NBAS: variants seen among roughly 807,000 people sequenced by gnomAD.
NBAS encodes the protein NBAS subunit of NRZ tethering complex, also known as NAG/BC035112 fusion.
In NBAS, 219 loss-of-function variants were observed where a neutral mutation model predicts 302.5. The ratio of observed to expected loss-of-function variants is 0.72; its 90% CI spans 0.65 to 0.81. The LOEUF is 0.81. NBAS is among the 30% of genes least tolerant of loss of function. NBAS has a pLI of 0.00. For synonymous variants in NBAS, 1,118 were observed against 1,021.6 expected, an observed-to-expected ratio of 1.09 and a Z score of -1.80; for missense variants, 2,932 against 2,841.6, an observed-to-expected ratio of 1.03 and a Z score of -0.72.
chr2:14,858,116 G>T, the NBAS span, among the ~76,000 whole-genome samples: 20 of 152,080 alleles, frequency 1.3e-4, no homozygotes, highest in African/African-American at 4.8e-4. Flanking sequence ...ACAACAATGA[G>T]ATGTCATCTC....
In NBAS at chr2:15,328,236, A is replaced by G. The variant is rs1405846776; in HGVS notation, c.4424T>C (p.Phe1475Ser). ...AGGATTTGAGATGACAGATTCATAA[A>G]AAGGATGACACCCTTGTTTCTCTAG... ...EDLEKQGCHPFYESVISNPFV... is the reference protein window; with the variant it reads ...EDLEKQGCHPSYESVISNPFV... Residue 1475 changes from phenylalanine (F) to serine (S), a missense_variant, in exon 37 of 52, where the codon TTT becomes TCT. Coordinates refer to ENST00000281513, the MANE Select transcript of NBAS (RefSeq NM_015909.4). 1.2e-6 allele frequency: 2 copies of G among 1,613,838 alleles called. No homozygotes were observed. The highest frequency in any genetic ancestry group is 1.7e-6 in the Non-Finnish European group (2 of 1,179,922).
At chr2:15,298,514 A>G (rs1171481875) in intron 40 of NBAS, among the ~76,000 whole-genome samples, 1 of 152,200 alleles carries the variant, frequency 6.6e-6, no homozygotes, top group Non-Finnish European at 1.5e-5. Context: ...AGACTAAATG[A>G]AACTGGATGA....
At chr2:15,190,592 T>C (rs1280375263) in intron 48 of NBAS, among the ~76,000 whole-genome samples, 189 bp from the exon 49 acceptor site, 2 of 152,222 alleles carry the variant, frequency 1.3e-5, no homozygotes, top group Non-Finnish European at 2.9e-5. Context: ...TAAAATTGTT[T>C]AGAACTACAA....
At chr2:15,009,697 T>C in the NBAS span, among the ~76,000 whole-genome samples, 1 of 28,608 alleles carries the variant, frequency 3.5e-5, no homozygotes, top group South Asian at 1.4e-3. Flanking sequence ...GGAATGCATA[T>C]ATATATATAT....
At chr2:15,046,822 G>A in the NBAS span, among the ~76,000 whole-genome samples, 2 of 152,142 alleles carry the variant, frequency 1.3e-5, no homozygotes, top group Non-Finnish European at 2.9e-5. Flanking sequence ...CTTAGTAAAT[G>A]TTCCCCAGGT....
intron 51 of NBAS, among the ~76,000 whole-genome samples, chr2:15,170,319 G>A (rs1558405440): frequency 6.6e-6 from 1 of 152,170 alleles, no homozygotes; most frequent in African/African-American, 2.4e-5. Flanking sequence ...CTCTCATTCT[G>A]GCAGGGAGGG....
chr2:15,528,872 A>AG (rs1663066271), intron 9 of NBAS, among the ~76,000 whole-genome samples: 1 of 32,944 alleles, frequency 3.0e-5, no homozygotes, highest in Admixed American at 3.3e-4. Context: ...ATCTCAAAAA[A>AG]AAAAAAATAT....
chr2:15,217,935 C>G (rs1343449875), intron 48 of NBAS, among the ~76,000 whole-genome samples: 3 of 152,080 alleles, frequency 2.0e-5, no homozygotes, highest in Admixed American at 6.5e-5. Flanking sequence ...ATGTGGAATT[C>G]AAGGTTCCAT....
intron 50 of NBAS, among the ~76,000 whole-genome samples, chr2:15,181,187 T>C (rs1176119686): frequency 6.6e-6 from 1 of 152,226 alleles, no homozygotes; most frequent in African/African-American, 2.4e-5. Flanking sequence ...CAAAAAGTTA[T>C]CAGTGATGAG....
chr2:15,270,967 AG>A (rs1669291326), intron 44 of NBAS, among the ~76,000 whole-genome samples: 1 of 152,210 alleles, frequency 6.6e-6, no homozygotes, highest in African/African-American at 2.4e-5. Context: ...ATGGTGAAAG[AG>A]GTACTGCCAT....
chr2:15,095,296 A>G, the NBAS span, among the ~76,000 whole-genome samples: 1 of 152,340 alleles, frequency 6.6e-6, no homozygotes, highest in East Asian at 1.9e-4. Context: ...AAGAGGTTTA[A>G]TGGACTCACA....
At chr2:15,010,456 C>T in the NBAS span, among the ~76,000 whole-genome samples, 1 of 152,134 alleles carries the variant, frequency 6.6e-6, no homozygotes, top group African/African-American at 2.4e-5. Flanking sequence ...CACCCCCCAC[C>T]TTATACCCCT....
At chr2:15,077,512 C>T in the NBAS span, among the ~76,000 whole-genome samples, 5 of 151,978 alleles carry the variant, frequency 3.3e-5, no homozygotes, top group Non-Finnish European at 4.4e-5. Flanking sequence ...TGCTTTCCAT[C>T]GAAGAGATTA....
At chr2:14,810,209 G>A in the NBAS span, among the ~76,000 whole-genome samples, 2 of 152,218 alleles carry the variant, frequency 1.3e-5, no homozygotes, top group Non-Finnish European at 2.9e-5. Flanking sequence ...ACAATTGGTT[G>A]TGAAATGTGA....
intron 28 of NBAS, among the ~76,000 whole-genome samples, chr2:15,385,931 A>T (rs1293831009): frequency 6.6e-6 from 1 of 152,186 alleles, no homozygotes; most frequent in African/African-American, 2.4e-5. Context: ...TCTAGCAGCA[A>T]TTGCAATGCT....
At chr2:15,453,250 G>T (rs1198688595) in intron 21 of NBAS, among the ~76,000 whole-genome samples, 5 of 152,182 alleles carry the variant, frequency 3.3e-5, no homozygotes, top group Non-Finnish European at 4.4e-5. Flanking sequence ...GTTAGCAAGA[G>T]AATAAAGTAC....
the NBAS span, among the ~76,000 whole-genome samples, chr2:14,816,168 TC>T: frequency 1.6e-4 from 25 of 152,348 alleles, 1 homozygote; most frequent in African/African-American, 5.3e-4. Context: ...CACAGGGATC[TC>T]CAACTTCCAG....
chr2:15,399,082 G>A (rs12692263), intron 26 of NBAS, among the ~76,000 whole-genome samples: 95,201 of 151,988 alleles, frequency 0.63, 30,567 homozygotes, highest in Middle Eastern at 0.69. Flanking sequence ...CAATCTCCTC[G>A]AAGTAGACAA....
At chr2:14,993,020 G>A in the NBAS span, among the ~76,000 whole-genome samples, 1 of 152,306 alleles carries the variant, frequency 6.6e-6, no homozygotes, top group South Asian at 2.1e-4. Context: ...ATGTTTGTGA[G>A]AAACTGTTCC....
Sources: allele counts gnomAD v4.1 joint callset (sites outside exome capture counted in the v4.1 genomes callset), GRCh38; gene constraint gnomAD v4.1.1; transcripts MANE v1.5; gene names NCBI Gene and HGNC (gene_info 2026-07-23, HGNC 2026-07-21).